CMTM8: variants seen among roughly 807,000 people sequenced by gnomAD.
CMTM8 encodes the protein CKLF-like MARVEL transmembrane domain-containing protein 8.
CMTM8 carries 12 observed loss-of-function variants against 18.6 expected under a neutral mutation model. The observed-to-expected ratio is 0.65, with a 90% confidence interval of 0.41 to 1.05. CMTM8 has a LOEUF of 1.05. Ranked by LOEUF, CMTM8 falls within the 50% of genes least tolerant of loss-of-function variation. CMTM8 has a pLI of 0.00. For synonymous variants in CMTM8, 87 were observed against 90.6 expected (o/e 0.96, Z 0.23); for missense variants, 217 against 227.2 (o/e 0.95, Z 0.29).
At chr3:32,323,171 C>T (rs1696090775) in intron 1 of CMTM8, among the ~76,000 whole-genome samples, 1 of 152,170 alleles carries the variant, frequency 6.6e-6, no homozygotes, top group Admixed American at 6.5e-5. Context: ...TTTTGAGCTC[C>T]TGAGGCCAGC....
chr3:32,329,172 T>G (rs573374198), intron 1 of CMTM8, among the ~76,000 whole-genome samples: 2 of 152,172 alleles, frequency 1.3e-5, no homozygotes, highest in Non-Finnish European at 2.9e-5. Flanking sequence ...TTTAAGCGAT[T>G]CTCTTGCCTC....
intron 1 of CMTM8, among the ~76,000 whole-genome samples, chr3:32,313,948 C>T (rs1249605989): frequency 5.3e-5 from 8 of 152,080 alleles, no homozygotes; most frequent in Admixed American, 1.3e-4. Context: ...GAGCCATGAT[C>T]GTACCACTGC....
intron 1 of CMTM8, among the ~76,000 whole-genome samples, chr3:32,258,433 A>G (rs1702204147): frequency 6.6e-6 from 1 of 152,224 alleles, no homozygotes; most frequent in Non-Finnish European, 1.5e-5. Flanking sequence ...TATATAAGGA[A>G]TAATGACCCT....
At position 32,368,424 on chromosome 3, in the gene CMTM8, G is replaced by A. The variant is rs187021974; in HGVS notation, c.438+436G>A. Reference sequence around the variant, plus strand: ...GAGGTTCCTTCTAGAGACTGGGATCGGGAAATGAGGGGAGTGAGACAAGAA... The same window carrying A: ...GAGGTTCCTTCTAGAGACTGGGATCAGGAAATGAGGGGAGTGAGACAAGAA... On this transcript the variant is annotated intron_variant, in intron 3 of 3. Coordinates refer to ENST00000307526, the MANE Select transcript of CMTM8 (RefSeq NM_178868.5). Among the ~76,000 whole-genome samples, 613 of 151,126 alleles carry A rather than the reference G, an allele frequency of 4.1e-3. 4 individuals are homozygous for A. Among genetic ancestry groups the A allele is most frequent in the African/African-American group, 0.014 (573 of 41,226 alleles).
intron 1 of CMTM8, among the ~76,000 whole-genome samples, chr3:32,246,665 G>A (rs537714244): frequency 6.6e-5 from 10 of 152,184 alleles, no homozygotes; most frequent in Admixed American, 5.2e-4. Flanking sequence ...AAATATCCAG[G>A]CTCCTACTGT....
At chr3:32,357,233 A>T in intron 1 of CMTM8, 140 bp from the exon 2 acceptor site, 2 of 758,684 alleles carry the variant, frequency 2.6e-6, no homozygotes. Flanking sequence ...GACGGGAGCG[A>T]GACTCCATCT....
intron 1 of CMTM8, among the ~76,000 whole-genome samples, chr3:32,317,447 G>A (rs1695953023): frequency 6.6e-6 from 1 of 152,136 alleles, no homozygotes; most frequent in South Asian, 2.1e-4. Context: ...AGGGAAGGAG[G>A]TAAATGGTCA....
intron 1 of CMTM8, among the ~76,000 whole-genome samples, chr3:32,241,569 C>A (rs1701946195): frequency 6.6e-6 from 1 of 152,216 alleles, no homozygotes. Context: ...TGTAGGCTAA[C>A]CTAAGTGTTC....
In CMTM8 at chr3:32,338,953, G is replaced by A. The variant is rs1381972347; in HGVS notation, c.148-18420G>A. 2.0e-5 allele frequency among the ~76,000 whole-genome samples: 3 copies of A among 152,186 alleles called. No individual in the cohort carries two copies. The East Asian group carries it at 5.8e-4, about 29-fold the overall frequency. ...CTTGGAGAATCAGCTTCACTCACGT[G>A]GCTGGCAAGTTGGTGCTGGCTATTG... On this transcript the variant is annotated intron_variant, in intron 1 of 3. Transcript: ENST00000307526.
chr3:32,307,823 C>A (rs1695746068), intron 1 of CMTM8, among the ~76,000 whole-genome samples: 1 of 152,174 alleles, frequency 6.6e-6, no homozygotes, highest in South Asian at 2.1e-4. Context: ...TTCTAACAAG[C>A]TTCCAGGTGA....
chr3:32,258,879 A>AT, intron 1 of CMTM8: 1 of 225,310 alleles, frequency 4.4e-6, no homozygotes, highest in Non-Finnish European at 8.9e-6. Context: ...CTATCTCACT[A>AT]CATGTCGGCA....
At chr3:32,239,150 G>T (rs1391833367) in intron 1 of CMTM8, 31 bp downstream of exon 1, 1 of 1,570,196 alleles carries the variant, frequency 6.4e-7, no homozygotes, top group South Asian at 1.2e-5. Flanking sequence ...GGTGGCGGGG[G>T]GCTCAGCTGG....
intron 1 of CMTM8, among the ~76,000 whole-genome samples, chr3:32,243,090 G>A (rs1466105469): frequency 1.3e-5 from 2 of 151,742 alleles, no homozygotes; most frequent in Admixed American, 6.6e-5. Flanking sequence ...ACAGGGTTTC[G>A]CCATGTTGGC....
chr3:32,274,639 CCA>C (rs1702489756), intron 1 of CMTM8, among the ~76,000 whole-genome samples: 2 of 152,068 alleles, frequency 1.3e-5, no homozygotes, highest in Non-Finnish European at 2.9e-5. Context: ...TCCTGCATAA[CCA>C]CAGTGTAACT....
chr3:32,272,798 A>G (rs2125544561), intron 1 of CMTM8, among the ~76,000 whole-genome samples: 1 of 152,236 alleles, frequency 6.6e-6, no homozygotes, highest in South Asian at 2.1e-4. Context: ...CACTGAGTTA[A>G]TTTCTTGTCC....
chr3:32,258,408 T>C lies in CMTM8; in HGVS notation c.147+19289T>C, dbSNP rs370752275. ...GTTCAGTAGTTTTGTTATTCACTTATAGACATTTTGAACATATATAAGGAA... is the reference window on the plus strand; with the variant it reads ...GTTCAGTAGTTTTGTTATTCACTTACAGACATTTTGAACATATATAAGGAA... On this transcript the variant is annotated intron_variant, in intron 1 of 3. Coordinates refer to ENST00000307526, the MANE Select transcript of CMTM8 (RefSeq NM_178868.5). Among the ~76,000 whole-genome samples the C allele has an allele frequency of 3.2e-4, 48 of 152,360 alleles. 2 individuals are homozygous for C. The East Asian group carries it at 3.7e-3, about 12-fold the overall frequency.
intron 1 of CMTM8, among the ~76,000 whole-genome samples, chr3:32,293,264 G>A (rs1489875763): frequency 6.6e-6 from 1 of 152,016 alleles, no homozygotes; most frequent in East Asian, 1.9e-4. Context: ...ATTAAACTGT[G>A]CTCAGGCCAG....
chr3:32,324,521 C>T (rs897294385), intron 1 of CMTM8, among the ~76,000 whole-genome samples: 4 of 152,160 alleles, frequency 2.6e-5, no homozygotes, highest in African/African-American at 4.8e-5. Flanking sequence ...GTTTTGGGTA[C>T]GTCCTTCCCT....
At chr3:32,286,959 C>T (rs977861335) in intron 1 of CMTM8, among the ~76,000 whole-genome samples, 1 of 152,234 alleles carries the variant, frequency 6.6e-6, no homozygotes, top group Non-Finnish European at 1.5e-5. Context: ...GCCTGATAGC[C>T]TCTCGGCTCT....
Sources: gnomAD v4.1 joint callset for allele counts (sites outside exome capture counted in the v4.1 genomes callset) on GRCh38, gnomAD v4.1.1 for gene constraint, MANE v1.5 for transcripts, NCBI Gene and HGNC (gene_info 2026-07-23, HGNC 2026-07-21) for gene names.